The following CDK3 variants were observed in gnomAD, a reference collection of about 807,000 sequenced individuals.
CDK3 encodes cyclin-dependent kinase 3.
In CDK3, 24 loss-of-function variants were observed where a neutral mutation model predicts 30.2. The ratio of observed to expected loss-of-function variants is 0.79; its 90% CI spans 0.57 to 1.12. The LOEUF is 1.12. Among genes scored for constraint, CDK3 ranks in the 50% most tolerant of loss-of-function variants. CDK3 has a pLI of 0.00. For synonymous variants in CDK3, 158 were observed against 154.2 expected (o/e 1.02, Z -0.18); for missense variants, 345 against 376.0 (o/e 0.92, Z 0.68).
Position 76,003,249 on chromosome 17 carries a change from A to C in CDK3, c.643A>C (p.Ile215Leu). ...GDSEIDQLFRIFRMLGTPSED... is the reference protein window; with the variant it reads ...GDSEIDQLFRLFRMLGTPSED... ...CTCTGAGATTGACCAGCTCTTTCGT[A>C]TCTTTCGTATGCTGGGGACACCCAG... Residue 215 changes from isoleucine (I) to leucine (L), a missense_variant, in exon 7 of 8, where the codon ATC becomes CTC. By Grantham distance (5) the Ile-to-Leu change is conservative. Coordinates refer to ENST00000448471, the MANE Select transcript of CDK3 (RefSeq NM_001258.4). 6.2e-7 allele frequency: 1 copy of C among 1,614,126 alleles called. No individual in the cohort carries two copies. Among genetic ancestry groups the C allele is most frequent in the Non-Finnish European group, 8.5e-7 (1 of 1,180,030 alleles).
Position 76,005,157 on chromosome 17 carries a change from G to C in CDK3, c.793-141G>C, listed in dbSNP as rs2066302266. Reference sequence around the variant, plus strand: ...AGTGTCCGGAACTGGCTGGAGAGCTGGGAGGTCATGGCTTCATGCGGTTCT... The same window carrying C: ...AGTGTCCGGAACTGGCTGGAGAGCTCGGAGGTCATGGCTTCATGCGGTTCT... On this transcript the variant is annotated intron_variant, in intron 7 of 7. Coordinates refer to ENST00000448471, the MANE Select transcript of CDK3 (RefSeq NM_001258.4). The surrounding 1 kb of genome is among the most constrained non-coding windows in gnomAD (Gnocchi z 4.7). 3 of 972,860 alleles carry C rather than the reference G, an allele frequency of 3.1e-6. No homozygotes were observed. The highest frequency in any genetic ancestry group is 4.5e-6 in the Non-Finnish European group (3 of 667,512). 60.3% of individuals were successfully genotyped at this position (972,860 alleles called of 1,614,324 possible).
Position 76,001,922 on chromosome 17 carries a change from C to T in CDK3, c.165C>T (p.Leu55=). ...PSTAIREISL[L]KELKHPNIVR... Reference sequence around the variant, plus strand: ...CTGCCATCAGGGAGATCTCGCTGCTCAAGGAACTGAAGCACCCCAACATCG... The same window carrying T: ...CTGCCATCAGGGAGATCTCGCTGCTTAAGGAACTGAAGCACCCCAACATCG... The change falls in exon 3 of 8, where the codon CTC becomes CTT. Residue 55 remains leucine (L), a synonymous_variant. Transcript: ENST00000448471. This position sits in a 1 kb window ranked among gnomAD's most constrained non-coding sequence, Gnocchi z 6.2. 1 of 1,613,842 alleles carries T rather than the reference C, an allele frequency of 6.2e-7. No homozygotes were observed. The highest frequency in any genetic ancestry group is 8.5e-7 in the Non-Finnish European group (1 of 1,179,798).
rs1403234910 is a variant in CDK3, at chr17:76,005,772, G to T, written c.*349G>T. The T allele has an allele frequency of 9.4e-6, 2 of 213,430 alleles. No homozygotes were observed. Among genetic ancestry groups the T allele is most frequent in the African/African-American group, 4.6e-5 (2 of 43,622 alleles). The allele number at this position is 213,430 out of a possible 1,614,324, so 13.2% of individuals were successfully genotyped here. On this transcript the variant is annotated 3_prime_UTR_variant, in exon 8 of 8. Coordinates refer to ENST00000448471, the MANE Select transcript of CDK3 (RefSeq NM_001258.4). The surrounding 1 kb of genome is among the most constrained non-coding windows in gnomAD (Gnocchi z 4.7). ...TGCAGGGCCAGACCCTGAGGAAAGG[G>T]CGCCCCCTGCTGGTCTTTTTGGATT...
rs1468707424 is a variant in CDK3 at position 76,001,057 on chromosome 17, C to G, written c.-15+90C>G. ...GGCTGGGCTGGGCGAGGGGTGGTCT[C>G]TGACTTCCTGGGGGTTCTGGCTGGG... On this transcript the variant is annotated intron_variant, in intron 1 of 7. Transcript: ENST00000448471. This position sits in a 1 kb window ranked among gnomAD's most constrained non-coding sequence, Gnocchi z 6.2. The G allele has an allele frequency of 4.3e-6, 5 of 1,151,138 alleles. No homozygotes were observed. The East Asian group carries it at 3.4e-4, about 78-fold the overall frequency. 71.3% of individuals were successfully genotyped at this position (1,151,138 alleles called of 1,614,324 possible). A position where few individuals can be genotyped will look rare whatever the true frequency, so the allele number is the denominator to read the frequency against.
In CDK3 at chr17:76,003,209, CCT is replaced by C; in HGVS notation, c.604_605del (p.Leu202ValfsTer4). 6.2e-7 allele frequency: 1 copy of C among 1,614,176 alleles called. No individual in the cohort carries two copies. The highest frequency in any genetic ancestry group is 1.1e-5 in the South Asian group (1 of 91,078). ...IFAEMVTRKA[L>X]FPGDSEIDQL... ...CCCCATTTCAGGTGACTCGAAAAGC[CCT>C]GTTTCCTGGTGACTCTGAGATTGAC... On this transcript the variant is annotated frameshift_variant, in exon 7 of 8. Transcript: ENST00000448471. LOFTEE classifies it high-confidence loss of function.
At chr17:76,004,217 C>CGGTTTTTT (rs2066288331) in intron 7 of CDK3, among the ~76,000 whole-genome samples, 1 of 30,466 alleles carries the variant, frequency 3.3e-5, no homozygotes, top group Non-Finnish European at 5.7e-5. Flanking sequence ...GCAGAACCGT[C>CGGTTTTTT]TGTTTTTTTT....
Position 76,005,500 on chromosome 17 carries a change from A to C in CDK3, c.*77A>C. On this transcript the variant is annotated 3_prime_UTR_variant, in exon 8 of 8. Transcript: ENST00000448471. The surrounding 1 kb of genome is among the most constrained non-coding windows in gnomAD (Gnocchi z 4.7). Reference sequence around the variant, plus strand: ...GCCTCCTACCCATTGCCAAGAGAGGATGCATCTGGGGAGAGCAAAGCACTA... The same window carrying C: ...GCCTCCTACCCATTGCCAAGAGAGGCTGCATCTGGGGAGAGCAAAGCACTA... 6 of 1,535,996 alleles carry C rather than the reference A, an allele frequency of 3.9e-6. No homozygotes were observed. The South Asian group carries it at 7.2e-5, about 19-fold the overall frequency.
In CDK3 at chr17:76,005,300, A is replaced by G. The variant is rs141494807; in HGVS notation, c.795A>G (p.Gln265=). 6.2e-7 allele frequency: 1 copy of G among 1,611,688 alleles called. No homozygotes were observed. The highest frequency in any genetic ancestry group is 1.7e-4 in the Middle Eastern group (1 of 6,058). Reference sequence around the variant, plus strand: ...TCTTCTTCCTTCTTTCTTCCTAGCAACTCCTGCAGTATGACCCCAGCCAGC... The same window carrying G: ...TCTTCTTCCTTCTTTCTTCCTAGCAGCTCCTGCAGTATGACCCCAGCCAGC... ...LEPEGRDLLM[Q]LLQYDPSQRI... is the part of the protein sequence containing the mutation. The change falls in exon 8 of 8, where the codon CAA becomes CAG. Residue 265 remains glutamine, a splice_region_variant and synonymous_variant. Coordinates refer to ENST00000448471, the MANE Select transcript of CDK3 (RefSeq NM_001258.4). The surrounding 1 kb of genome is among the most constrained non-coding windows in gnomAD (Gnocchi z 4.7).
At position 76,005,118 on chromosome 17, in the gene CDK3, G is replaced by A. The variant is rs139328319; in HGVS notation, c.793-180G>A. On this transcript the variant is annotated intron_variant, in intron 7 of 7. Transcript: ENST00000448471. This position sits in a 1 kb window ranked among gnomAD's most constrained non-coding sequence, Gnocchi z 4.7. Reference sequence around the variant, plus strand: ...GAGACCTGGGTGACTCGTTAGGACTGTCCAGATTCCAGGAGTGTCCGGAAC... The same window carrying A: ...GAGACCTGGGTGACTCGTTAGGACTATCCAGATTCCAGGAGTGTCCGGAAC... Among the ~76,000 whole-genome samples the A allele has an allele frequency of 2.6e-5, 4 of 152,294 alleles. No individual in the cohort carries two copies. Among genetic ancestry groups the A allele is most frequent in the African/African-American group, 9.6e-5 (4 of 41,558 alleles).
intron 7 of CDK3, among the ~76,000 whole-genome samples, chr17:76,003,791 G>A (rs2066283884): frequency 6.6e-6 from 1 of 152,074 alleles, no homozygotes; most frequent in Admixed American, 6.6e-5. Flanking sequence ...TGCCCGGGCT[G>A]GAGTGCAATG....
At chr17:76,003,423 C>T in intron 7 of CDK3, 25 bp downstream of exon 7, 1 of 1,588,396 alleles carries the variant, frequency 6.3e-7, no homozygotes. Context: ...GCTCCAGCTG[C>T]TGCTCCGACT....
chr17:76,002,448 A>G lies in CDK3; in HGVS notation c.486+30A>G. 1.2e-6 allele frequency: 2 copies of G among 1,611,538 alleles called. No individual in the cohort carries two copies. Among genetic ancestry groups the G allele is most frequent in the Non-Finnish European group, 1.7e-6 (2 of 1,178,836 alleles). ...TGTGAGACAAAGAGGAGAGAGGGGC[A>G]GCAGGAGGAGTGTCACCCATGCACT... On this transcript the variant is annotated intron_variant, in intron 5 of 7. Coordinates refer to ENST00000448471, the MANE Select transcript of CDK3 (RefSeq NM_001258.4). This position sits in a 1 kb window ranked among gnomAD's most constrained non-coding sequence, Gnocchi z 4.3.
chr17:76,003,078 C>A, intron 6 of CDK3, 117 bp from the exon 7 acceptor site: 1 of 818,524 alleles, frequency 1.2e-6, no homozygotes, highest in Non-Finnish European at 2.0e-6. Context: ...GAATTCTTTG[C>A]ACAGTCATGG....
chr17:76,004,219 GT>G (rs59029490), intron 7 of CDK3, among the ~76,000 whole-genome samples: 33 of 92,288 alleles, frequency 3.6e-4, no homozygotes, highest in Admixed American at 3.8e-4. Context: ...AGAACCGTCT[GT>G]TTTTTTTTTT....
In CDK3 at chr17:76,005,232, G is replaced by A. The variant is rs893272025; in HGVS notation, c.793-66G>A. 2.5e-6 allele frequency: 4 copies of A among 1,573,034 alleles called. No homozygotes were observed. The highest frequency in any genetic ancestry group is 3.5e-6 in the Non-Finnish European group (4 of 1,155,966). ...GCCCAGGCCCTTGATCTGGGACCTG[G>A]GAGGGGAATTTCTCACCCCACCCTG... On this transcript the variant is annotated intron_variant, in intron 7 of 7. Coordinates refer to ENST00000448471, the MANE Select transcript of CDK3 (RefSeq NM_001258.4). The surrounding 1 kb of genome is among the most constrained non-coding windows in gnomAD (Gnocchi z 4.7).
chr17:76,000,856 G>T lies in CDK3; in HGVS notation c.-126G>T. On this transcript the variant is annotated 5_prime_UTR_variant, in exon 1 of 8. Coordinates refer to ENST00000448471, the MANE Select transcript of CDK3 (RefSeq NM_001258.4). This position sits in a 1 kb window ranked among gnomAD's most constrained non-coding sequence, Gnocchi z 5.9. ...GCCTAAGACAGGACTGTGGCTTTAA[G>T]ACCCTCCTGACCCCTGACCTCTGCC... The T allele has an allele frequency of 9.8e-7, 1 of 1,025,530 alleles. No individual in the cohort carries two copies. Among genetic ancestry groups the T allele is most frequent in the African/African-American group, 1.7e-5 (1 of 57,750 alleles). The allele number at this position is 1,025,530 out of a possible 1,614,324, so 63.5% of individuals were successfully genotyped here.
chr17:76,003,255 C>A lies in CDK3; in HGVS notation c.649C>A (p.Arg217Ser), dbSNP rs372096923. Reference sequence around the variant, plus strand: ...GATTGACCAGCTCTTTCGTATCTTTCGTATGCTGGGGACACCCAGCGAAGA... The same window carrying A: ...GATTGACCAGCTCTTTCGTATCTTTAGTATGCTGGGGACACCCAGCGAAGA... ...SEIDQLFRIF[R>S]MLGTPSEDTW... The change falls in exon 7 of 8, where the codon CGT becomes AGT. Residue 217 changes from arginine (R) to serine (S), a missense_variant. Arg to Ser is a moderately radical substitution (Grantham distance 110, BLOSUM62 -1). Transcript: ENST00000448471. 1 of 1,614,174 alleles carries A rather than the reference C, an allele frequency of 6.2e-7. No homozygotes were observed. The highest frequency in any genetic ancestry group is 8.5e-7 in the Non-Finnish European group (1 of 1,180,022).
Position 76,005,274 on chromosome 17 carries a change from A to C in CDK3, c.793-24A>C. Reference sequence around the variant, plus strand: ...CCCACCCTGGCTGCACCCAGACCACATCTTCTTCCTTCTTTCTTCCTAGCA... The same window carrying C: ...CCCACCCTGGCTGCACCCAGACCACCTCTTCTTCCTTCTTTCTTCCTAGCA... On this transcript the variant is annotated intron_variant, in intron 7 of 7. Coordinates refer to ENST00000448471, the MANE Select transcript of CDK3 (RefSeq NM_001258.4). The surrounding 1 kb of genome is among the most constrained non-coding windows in gnomAD (Gnocchi z 4.7). The C allele has an allele frequency of 6.2e-7, 1 of 1,611,834 alleles. No individual in the cohort carries two copies. The highest frequency in any genetic ancestry group is 8.5e-7 in the Non-Finnish European group (1 of 1,178,614).
rs137860138 is a variant in CDK3 at position 76,003,374 on chromosome 17, G to A, written c.768G>A (p.Glu256=). ...KGLEEIVPNL[E]PEGRDLLMQL... ...TGGAAGAGATTGTGCCCAATCTGGA[G>A]CCAGAGGGCAGGGACCTGCTCATGG... The change falls in exon 7 of 8, where the codon GAG becomes GAA. Residue 256 remains glutamate, a synonymous_variant. Transcript: ENST00000448471. The A allele has an allele frequency of 4.6e-4, 743 of 1,613,712 alleles. 2 individuals carry two copies. Among genetic ancestry groups the A allele is most frequent in the Non-Finnish European group, 5.0e-4 (586 of 1,179,994 alleles).
Sources: allele counts gnomAD v4.1 joint callset (sites outside exome capture counted in the v4.1 genomes callset), GRCh38; gene constraint gnomAD v4.1.1; non-coding constraint Gnocchi (gnomAD v3.1); transcripts MANE v1.5; gene names NCBI Gene and HGNC (gene_info 2026-07-23, HGNC 2026-07-21).